The following CCDC170 variants were observed in gnomAD, a reference collection of about 807,000 sequenced individuals.
CCDC170 encodes the protein coiled-coil domain containing 170.
In CCDC170, 69 loss-of-function variants were observed where a neutral mutation model predicts 72.6. The ratio of observed to expected loss-of-function variants is 0.95; its 90% CI spans 0.78 to 1.16. The LOEUF (loss-of-function observed/expected upper bound fraction) is 1.16, where lower values mean the gene tolerates loss of function less well. Among genes scored for constraint, CCDC170 ranks in the 50% most tolerant of loss-of-function variants. The pLI is 0.00. For synonymous variants in CCDC170, 300 were observed against 303.9 expected (o/e 0.99, Z 0.13); for missense variants, 852 against 832.5 (o/e 1.02, Z -0.29).
chr6:151,526,093 TTTCTTC>T (rs1171470205), intron 1 of CCDC170, among the ~76,000 whole-genome samples: 43 of 145,068 alleles, frequency 3.0e-4, no homozygotes, highest in African/African-American at 6.5e-4. Flanking sequence ...CCTTCCTTCC[TTTCTTC>T]CTTCCTTCCT....
At chr6:151,601,108 A>G (rs958734869) in intron 9 of CCDC170, among the ~76,000 whole-genome samples, 1 of 152,176 alleles carries the variant, frequency 6.6e-6, no homozygotes, top group Non-Finnish European at 1.5e-5. Context: ...ACAGTTCCAC[A>G]TGGCTGGGAA....
At chr6:151,613,654 G>A (rs1776911322) in intron 9 of CCDC170, among the ~76,000 whole-genome samples, 1 of 152,136 alleles carries the variant, frequency 6.6e-6, no homozygotes, top group South Asian at 2.1e-4. Context: ...TACCTATGTG[G>A]TAGCATGTCC....
At chr6:151,552,370 T>C (rs1463015983) in intron 5 of CCDC170, among the ~76,000 whole-genome samples, 1 of 152,196 alleles carries the variant, frequency 6.6e-6, no homozygotes, top group East Asian at 1.9e-4. Flanking sequence ...AGGTTATTCC[T>C]GTTCCCTCTG....
At chr6:151,575,494 T>G (rs1200551350) in intron 6 of CCDC170, among the ~76,000 whole-genome samples, 1 of 150,800 alleles carries the variant, frequency 6.6e-6, no homozygotes, top group Non-Finnish European at 1.5e-5. Context: ...AGTGGCCCCT[T>G]TAGCCAAGCA....
At chr6:151,610,155 T>C (rs1776847664) in intron 9 of CCDC170, among the ~76,000 whole-genome samples, 1 of 152,236 alleles carries the variant, frequency 6.6e-6, no homozygotes, top group Non-Finnish European at 1.5e-5. Flanking sequence ...GGGAGATCAC[T>C]TTGTTTTAAA....
intron 1 of CCDC170, among the ~76,000 whole-genome samples, chr6:151,516,114 C>A (rs900490704): frequency 6.6e-6 from 1 of 151,450 alleles, no homozygotes; most frequent in South Asian, 2.1e-4. Flanking sequence ...TAAAATACTT[C>A]GATTTCTTTC....
chr6:151,550,084 C>T (rs1463226577), intron 5 of CCDC170, among the ~76,000 whole-genome samples: 4 of 152,118 alleles, frequency 2.6e-5, no homozygotes, highest in Admixed American at 2.6e-4. Context: ...TGGTCTGCAA[C>T]CTATTTGAGC....
chr6:151,549,792 C>A lies in CCDC170; in HGVS notation c.774+1303C>A, dbSNP rs539482273. Among the ~76,000 whole-genome samples, 23 of 152,272 alleles carry A rather than the reference C, an allele frequency of 1.5e-4. No individual in the cohort carries two copies. The South Asian group carries it at 4.8e-3, about 32-fold the overall frequency. On this transcript the variant is annotated intron_variant, in intron 5 of 10. Transcript: ENST00000239374. ...ACATATATACATATTCTTTTAATTT[C>A]TTTTTAACACAAATGTTGACACACT...
intron 1 of CCDC170, among the ~76,000 whole-genome samples, chr6:151,500,050 C>T (rs902063869): frequency 6.6e-6 from 1 of 152,158 alleles, no homozygotes; most frequent in Non-Finnish European, 1.5e-5. Flanking sequence ...ACACATTTTA[C>T]ATTCTCACCA....
At chr6:151,521,201 G>C (rs1157224529) in intron 1 of CCDC170, among the ~76,000 whole-genome samples, 1 of 152,132 alleles carries the variant, frequency 6.6e-6, no homozygotes, top group East Asian at 1.9e-4. Context: ...AATTGAGGGT[G>C]AGCTCTGGTT....
At chr6:151,560,940 AT>A (rs1401225909) in intron 5 of CCDC170, among the ~76,000 whole-genome samples, 4 of 152,144 alleles carry the variant, frequency 2.6e-5, no homozygotes, top group Non-Finnish European at 4.4e-5. Flanking sequence ...TAAGTGGAGC[AT>A]TTAGGCCATT....
intron 5 of CCDC170, among the ~76,000 whole-genome samples, chr6:151,552,433 C>T (rs1381682020): frequency 6.6e-6 from 1 of 152,138 alleles, no homozygotes; most frequent in Non-Finnish European, 1.5e-5. Context: ...TTAACTATTA[C>T]ATCATGGGTG....
intron 1 of CCDC170, among the ~76,000 whole-genome samples, chr6:151,523,702 T>A (rs990564924): frequency 8.2e-5 from 12 of 146,592 alleles, no homozygotes; most frequent in Non-Finnish European, 3.0e-5. Flanking sequence ...AAAAAAAAAA[T>A]CATTGAATTC....
intron 10 of CCDC170, 41 bp downstream of exon 10, chr6:151,615,720 A>G (rs1024637466): frequency 2.2e-6 from 3 of 1,393,730 alleles, no homozygotes; most frequent in South Asian, 2.4e-5. Context: ...TTAGGAAATG[A>G]CAGGACAATT....
intron 5 of CCDC170, among the ~76,000 whole-genome samples, chr6:151,555,053 A>G (rs911911860): frequency 6.6e-6 from 1 of 151,052 alleles, no homozygotes; most frequent in Non-Finnish European, 1.5e-5. Context: ...TAATTTTTGT[A>G]TTGTTAGTAG....
At chr6:151,579,035 T>TA (rs1270335451) in intron 6 of CCDC170, among the ~76,000 whole-genome samples, 12 of 149,542 alleles carry the variant, frequency 8.0e-5, no homozygotes, top group Non-Finnish European at 1.0e-4. Context: ...GCTTTTTGTT[T>TA]CAAAAAAAAA....
intron 2 of CCDC170, among the ~76,000 whole-genome samples, chr6:151,536,743 C>T (rs1782589920): frequency 7.5e-6 from 1 of 132,960 alleles, no homozygotes; most frequent in South Asian, 2.4e-4. Context: ...GTACTGCACT[C>T]CAGCCTGGTG....
chr6:151,563,251 G>T (rs77280510), intron 5 of CCDC170, among the ~76,000 whole-genome samples: 1 of 152,202 alleles, frequency 6.6e-6, no homozygotes, highest in Non-Finnish European at 1.5e-5. Flanking sequence ...CCAAGTATGT[G>T]TTCACTGGCC....
chr6:151,503,395 C>G (rs531452289), intron 1 of CCDC170, among the ~76,000 whole-genome samples: 1 of 152,256 alleles, frequency 6.6e-6, no homozygotes, highest in African/African-American at 2.4e-5. Flanking sequence ...GTCTTAGAAA[C>G]AGCAAGAGCG....
Sources: gnomAD v4.1 joint callset for allele counts (sites outside exome capture counted in the v4.1 genomes callset) on GRCh38, gnomAD v4.1.1 for gene constraint, MANE v1.5 for transcripts, NCBI Gene and HGNC (gene_info 2026-07-23, HGNC 2026-07-21) for gene names.